The following DENND5B variants were observed in gnomAD, a reference collection of about 807,000 sequenced individuals.
DENND5B encodes the protein DENN domain containing 5B.
DENND5B carries 34 observed loss-of-function variants against 140.6 expected under a neutral mutation model. The ratio of observed to expected loss-of-function variants is 0.24; its 90% CI spans 0.18 to 0.32. The LOEUF is 0.32. DENND5B is among the 10% of genes least tolerant of loss of function. The pLI is 1.00. For missense variants in DENND5B, 1,142 were observed against 1,560.2 expected, an observed-to-expected ratio of 0.73 and a Z score of 4.52; for synonymous variants, 551 against 562.1, an observed-to-expected ratio of 0.98 and a Z score of 0.28.
intron 1 of DENND5B, among the ~76,000 whole-genome samples, chr12:31,504,551 G>A (rs1245986249): frequency 6.6e-6 from 1 of 152,128 alleles, no homozygotes; most frequent in Non-Finnish European, 1.5e-5. Context: ...AACCTTGGGG[G>A]CTGTTTTTCA....
intron 1 of DENND5B, among the ~76,000 whole-genome samples, chr12:31,528,327 G>A (rs1286329712): frequency 2.0e-5 from 3 of 152,166 alleles, no homozygotes; most frequent in East Asian, 3.8e-4. Flanking sequence ...TTCCTCCTGC[G>A]TGTGTCAAAC....
At chr12:31,394,127 G>C (rs1941306410) in intron 17 of DENND5B, among the ~76,000 whole-genome samples, 1 of 151,920 alleles carries the variant, frequency 6.6e-6, no homozygotes, top group African/African-American at 2.4e-5. Flanking sequence ...AGTAGTTTTT[G>C]TTTGTTTTTT....
In DENND5B at chr12:31,387,571, A is replaced by C. The variant is rs1439965584; in HGVS notation, c.*32T>G. On this transcript the variant is annotated 3_prime_UTR_variant, in exon 21 of 21. Transcript: ENST00000389082. ...CGGTCCCCTAGTTGGGGAAGGAGCAAGGTTTGGACTGAGAGTTTCTAGCCA... is the reference window on the plus strand; with the variant it reads ...CGGTCCCCTAGTTGGGGAAGGAGCACGGTTTGGACTGAGAGTTTCTAGCCA... The C allele has an allele frequency of 2.5e-6, 4 of 1,596,446 alleles. No individual in the cohort carries two copies. The Admixed American group carries it at 6.8e-5, about 27-fold the overall frequency.
At chr12:31,432,874 G>A (rs1372578216) in intron 8 of DENND5B, 5 of 331,580 alleles carry the variant, frequency 1.5e-5, no homozygotes, top group East Asian at 6.6e-5. Flanking sequence ...TCCTATAGGA[G>A]ACATAGTAAC....
intron 7 of DENND5B, among the ~76,000 whole-genome samples, chr12:31,436,538 T>A (rs536873596): frequency 4.0e-5 from 6 of 151,860 alleles, no homozygotes; most frequent in Non-Finnish European, 8.8e-5. Context: ...CTCCTGCAAT[T>A]TTCTTTTTTT....
intron 1 of DENND5B, among the ~76,000 whole-genome samples, chr12:31,589,657 G>T (rs1175964218): frequency 6.7e-6 from 1 of 148,680 alleles, no homozygotes; most frequent in Non-Finnish European, 1.5e-5. Context: ...GGAATTATTT[G>T]TCCAAAGGAA....
intron 1 of DENND5B, among the ~76,000 whole-genome samples, chr12:31,533,443 T>C (rs960598515): frequency 6.6e-6 from 1 of 152,224 alleles, no homozygotes; most frequent in Non-Finnish European, 1.5e-5. Flanking sequence ...TCACTATCCA[T>C]ACTGTTTTTA....
intron 1 of DENND5B, among the ~76,000 whole-genome samples, chr12:31,583,836 A>G (rs1373304992): frequency 6.6e-6 from 1 of 152,236 alleles, no homozygotes; most frequent in African/African-American, 2.4e-5. Context: ...GTACTCCAGA[A>G]TCTGACACAC....
intron 1 of DENND5B, among the ~76,000 whole-genome samples, chr12:31,532,782 G>A (rs533404302): frequency 1.3e-5 from 2 of 152,180 alleles, no homozygotes; most frequent in Non-Finnish European, 2.9e-5. Context: ...GTTCAAAAAC[G>A]GAAGGCTGGA....
At chr12:31,391,188 T>G (rs1320448430) in intron 19 of DENND5B, among the ~76,000 whole-genome samples, 1 of 152,168 alleles carries the variant, frequency 6.6e-6, no homozygotes, top group Non-Finnish European at 1.5e-5. Context: ...TTCTCTCTCT[T>G]GCTGTGCTCC....
chr12:31,480,737 T>C (rs1004475750), intron 2 of DENND5B, among the ~76,000 whole-genome samples: 31 of 152,152 alleles, frequency 2.0e-4, no homozygotes, highest in African/African-American at 7.2e-4. Flanking sequence ...ATTTAGGAAG[T>C]GGAAAAAAGT....
At chr12:31,458,245 T>TA in intron 4 of DENND5B, among the ~76,000 whole-genome samples, 1 of 152,304 alleles carries the variant, frequency 6.6e-6, no homozygotes, top group South Asian at 2.1e-4. Context: ...AGCTGCCATT[T>TA]AAAAATCTCT....
intron 1 of DENND5B, among the ~76,000 whole-genome samples, chr12:31,589,267 T>G (rs1051413887): frequency 1.3e-5 from 2 of 152,180 alleles, no homozygotes; most frequent in Non-Finnish European, 2.9e-5. Context: ...TCTGCAGACA[T>G]TTTTTCTTCA....
intron 11 of DENND5B, among the ~76,000 whole-genome samples, chr12:31,421,835 G>T (rs754097570): frequency 6.6e-6 from 1 of 152,160 alleles, no homozygotes; most frequent in Non-Finnish European, 1.5e-5. Flanking sequence ...TACAGGCGTT[G>T]AGTCAACATG....
At chr12:31,441,304 C>G (rs1944018884) in intron 7 of DENND5B, among the ~76,000 whole-genome samples, 1 of 152,040 alleles carries the variant, frequency 6.6e-6, no homozygotes, top group South Asian at 2.1e-4. Flanking sequence ...ATGATCGGGC[C>G]ACAGCACTCC....
chr12:31,480,345 T>C, intron 2 of DENND5B, 90 bp from the exon 3 acceptor site: 1 of 1,258,374 alleles, frequency 7.9e-7, no homozygotes, highest in Non-Finnish European at 1.1e-6. Context: ...ATAACAGGAT[T>C]CAAAAAGACA....
At chr12:31,556,481 C>T (rs1259402) in intron 1 of DENND5B, among the ~76,000 whole-genome samples, 11,903 of 152,172 alleles carry the variant, frequency 0.078, 1,060 homozygotes, top group African/African-American at 0.22. Context: ...GGATTACAGG[C>T]GTGAGCCACC....
intron 1 of DENND5B, chr12:31,499,638 C>T: frequency 6.6e-7 from 1 of 1,506,076 alleles, no homozygotes; most frequent in East Asian, 2.5e-5. Context: ...TTGGCTCTTG[C>T]CATGACGATC....
intron 2 of DENND5B, among the ~76,000 whole-genome samples, chr12:31,492,256 A>T (rs1946557066): frequency 6.6e-6 from 1 of 152,272 alleles, no homozygotes; most frequent in Non-Finnish European, 1.5e-5. Flanking sequence ...TCAAAGATCA[A>T]GGAAGCTGAT....
Sources: gnomAD v4.1 joint callset for allele counts (sites outside exome capture counted in the v4.1 genomes callset) on GRCh38, gnomAD v4.1.1 for gene constraint, MANE v1.5 for transcripts, NCBI Gene and HGNC (gene_info 2026-07-23, HGNC 2026-07-21) for gene names.